The following WNK2 variants were observed in gnomAD, a reference collection of about 807,000 sequenced individuals.
WNK2 encodes WNK lysine deficient protein kinase 2.
Under a neutral mutation model 192.1 loss-of-function variants are expected in WNK2, and 67 were observed. That is an observed-to-expected ratio of 0.35 (90% confidence interval 0.29 to 0.43). WNK2 has a LOEUF of 0.43. Ranked by LOEUF, WNK2 falls within the 20% of genes least tolerant of loss-of-function variation. The pLI is 1.00. For missense variants in WNK2, 2,698 were observed against 3,089.7 expected (o/e 0.87, Z 3.01); for synonymous variants, 1,439 against 1,393.9 (o/e 1.03, Z -0.72).
In WNK2 at chr9:93,185,000, C is replaced by A. The variant is rs1339644004; in HGVS notation, c.71C>A (p.Ala24Glu). 1.6e-6 allele frequency: 2 copies of A among 1,243,852 alleles called. No individual in the cohort carries two copies. The highest frequency in any genetic ancestry group is 2.0e-6 in the Non-Finnish European group (2 of 998,930). The allele number at this position is 1,243,852 out of a possible 1,614,324, so 77.1% of individuals were successfully genotyped here. A position where few individuals can be genotyped will look rare whatever the true frequency, so the allele number is the denominator to read the frequency against. Residue 24 changes from alanine to glutamate, a missense_variant, in exon 2 of 30, where the codon GCG becomes GAG. Ala to Glu is a moderately radical substitution (Grantham distance 107). Transcript: ENST00000427277. ...LMEPGRGAGP[A>E]GMAEPRAKAA... is the part of the protein sequence containing the mutation. The stretch of plus-strand genomic sequence containing the variant: ...GAGCCCGGGCGCGGCGCGGGGCCCG[C>A]GGGCATGGCGGAGCCTCGGGCGAAG...
At position 93,288,926 on chromosome 9, in the gene WNK2, T is replaced by A; in HGVS notation, c.4172T>A (p.Val1391Glu). Reference protein sequence around the residue: ...PAPLAPSSPPVTALPQDGAAP... With the variant: ...PAPLAPSSPPETALPQDGAAP... ...CCTTTGGCCCCCTCCTCCCCTCCTG[T>A]GACTGCTCTGCCCCAAGATGGAGCA... Residue 1391 changes from valine (V) to glutamate (E), a missense_variant, in exon 20 of 30, where the codon GTG becomes GAG. Around this residue, in one of 7 missense-constraint regions of WNK2, gnomAD observed 1,098 missense variants for 1,101.0 expected, o/e 1.00. Transcript: ENST00000427277. 1 of 1,606,926 alleles carries A rather than the reference T, an allele frequency of 6.2e-7. No individual in the cohort carries two copies. Among genetic ancestry groups the A allele is most frequent in the Admixed American group, 1.7e-5 (1 of 59,300 alleles).
chr9:93,272,786 G>C (rs1351012840), intron 19 of WNK2, among the ~76,000 whole-genome samples: 1 of 141,814 alleles, frequency 7.1e-6, no homozygotes, highest in Non-Finnish European at 1.5e-5. Flanking sequence ...GAAATGAGAA[G>C]AGAAATAAAA....
intron 2 of WNK2, among the ~76,000 whole-genome samples, chr9:93,220,949 G>C (rs1239701753): frequency 6.6e-6 from 1 of 152,174 alleles, no homozygotes; most frequent in African/African-American, 2.4e-5. Context: ...CTGTGGTCCT[G>C]CCCTCCTCCT....
intron 2 of WNK2, among the ~76,000 whole-genome samples, chr9:93,187,486 C>T (rs532710822): frequency 7.2e-5 from 11 of 152,128 alleles, no homozygotes; most frequent in Non-Finnish European, 1.2e-4. Context: ...TGTCCCTAGT[C>T]GATGTGTGTC....
In WNK2 at chr9:93,300,111, G is replaced by A. The variant is rs568767917; in HGVS notation, c.6176G>A (p.Arg2059His). 1.9e-6 allele frequency: 3 copies of A among 1,613,360 alleles called. No individual in the cohort carries two copies. Among genetic ancestry groups the A allele is most frequent in the East Asian group, 2.2e-5 (1 of 44,860 alleles). ...RVTYKSSSKP[R>H]ARFLSGPVSV... ...ACCTATAAGTCTAGTAGCAAACCTC[G>A]TGCTCGATTCCTCAGTGGACCCGTA... Residue 2059 changes from arginine (R) to histidine (H), a missense_variant, in exon 26 of 30, where the codon CGT becomes CAT. By Grantham distance (29) the Arg-to-His change is conservative. This residue lies in a region of WNK2 where 29 missense variants were observed against 55.6 expected (regional missense o/e 0.52). Coordinates refer to ENST00000427277, the MANE Select transcript of WNK2 (RefSeq NM_006648.4).
chr9:93,304,425 A>C (rs974550501), intron 26 of WNK2, among the ~76,000 whole-genome samples: 2 of 152,248 alleles, frequency 1.3e-5, no homozygotes, highest in African/African-American at 4.8e-5. Flanking sequence ...AACAGCTGGG[A>C]TGAGGCTGCC....
At chr9:93,221,619 G>A (rs941674694) in intron 2 of WNK2, among the ~76,000 whole-genome samples, 1 of 152,206 alleles carries the variant, frequency 6.6e-6, no homozygotes, top group African/African-American at 2.4e-5. Context: ...TTATCCCTTT[G>A]CTTTGGTCAA....
intron 19 of WNK2, among the ~76,000 whole-genome samples, chr9:93,272,054 A>G (rs1383668639): frequency 6.6e-6 from 1 of 152,246 alleles, no homozygotes; most frequent in Admixed American, 6.5e-5. Flanking sequence ...AAGCTGAAGT[A>G]AGGCCATTCT....
chr9:93,292,599 G>T lies in WNK2; in HGVS notation c.5134G>T (p.Gly1712Trp). ...CCCGCCGAGTGACATGGGCACAGTG[G>T]GGGGCCAGGCTAGCCACCCCCAGAC... ...EPPPSDMGTV[G>W]GQASHPQTLG... The change falls in exon 23 of 30, where the codon GGG becomes TGG. Residue 1712 changes from glycine to tryptophan, a missense_variant. By Grantham distance (184) the Gly-to-Trp change is radical. Coordinates refer to ENST00000427277, the MANE Select transcript of WNK2 (RefSeq NM_006648.4). 1.6e-5 allele frequency: 25 copies of T among 1,581,282 alleles called. No homozygotes were observed. Among genetic ancestry groups the T allele is most frequent in the East Asian group, 4.5e-5 (2 of 44,012 alleles).
At chr9:93,217,032 C>T (rs577019888) in intron 2 of WNK2, among the ~76,000 whole-genome samples, 22 of 151,446 alleles carry the variant, frequency 1.5e-4, no homozygotes, top group Non-Finnish European at 3.1e-4. Context: ...GATCTCGGCT[C>T]ACTGCAACCT....
At chr9:93,267,321 A>C in intron 16 of WNK2, 1 of 160,088 alleles carries the variant, frequency 6.2e-6, no homozygotes, top group Non-Finnish European at 1.4e-5. Flanking sequence ...TGCTGGCTGG[A>C]ACCTTTGCCT....
Position 93,195,699 on chromosome 9 carries a change from CAAAAAAAAA to C in WNK2, c.681+10106_681+10114del, listed in dbSNP as rs59357990. ...GGGCAACAGAGTAAAGACTTTGTCT[CAAAAAAAAA>C]AAAAAAAAAAAAAAAAGATGTTGCT... On this transcript the variant is annotated intron_variant, in intron 2 of 29. Transcript: ENST00000427277. Among the ~76,000 whole-genome samples the C allele has an allele frequency of 6.1e-3, 256 of 41,682 alleles. 3 individuals carry two copies. The highest frequency in any genetic ancestry group is 0.034 in the Middle Eastern group (2 of 58). The allele number at this position is 41,682 out of a possible 152,430, so 27.3% of individuals were successfully genotyped here.
chr9:93,289,168 A>G lies in WNK2; in HGVS notation c.4414A>G (p.Arg1472Gly), dbSNP rs773211641. Residue 1472 changes from arginine (R) to glycine (G), a missense_variant, in exon 20 of 30, where the codon AGG becomes GGG. Physicochemically the swap from Arg to Gly is moderately radical, Grantham distance 125. Around this residue, in one of 7 missense-constraint regions of WNK2, gnomAD observed 1,098 missense variants for 1,101.0 expected, o/e 1.00. Transcript: ENST00000427277. Reference protein sequence around the residue: ...AASTRDASAPREPLPPPAPEP... With the variant: ...AASTRDASAPGEPLPPPAPEP... ...CTCAACCAGGGACGCCAGTGCCCCA[A>G]GGGAGCCCCTGCCACCTCCTGCACC... is the stretch of plus-strand genomic sequence containing the variant. The G allele has an allele frequency of 1.5e-5, 24 of 1,600,608 alleles. No homozygotes were observed. Among genetic ancestry groups the G allele is most frequent in the South Asian group, 1.1e-4 (10 of 90,118 alleles).
intron 2 of WNK2, among the ~76,000 whole-genome samples, chr9:93,190,285 G>C (rs1346699008): frequency 6.6e-6 from 1 of 152,226 alleles, no homozygotes; most frequent in Non-Finnish European, 1.5e-5. Context: ...GTGTGTGTCA[G>C]CAGCGATGAC....
chr9:93,284,393 G>A (rs1031732643), intron 19 of WNK2, among the ~76,000 whole-genome samples: 1 of 152,180 alleles, frequency 6.6e-6, no homozygotes, highest in African/African-American at 2.4e-5. Flanking sequence ...AGAATGCAAG[G>A]TTGGTTTAAC....
intron 2 of WNK2, among the ~76,000 whole-genome samples, chr9:93,189,096 G>A (rs1357289067): frequency 6.6e-6 from 1 of 152,196 alleles, no homozygotes; most frequent in African/African-American, 2.4e-5. Flanking sequence ...CAGACCCAGG[G>A]AGGCAGCCTG....
At chr9:93,210,588 A>G (rs1563994872) in intron 2 of WNK2, among the ~76,000 whole-genome samples, 1 of 151,756 alleles carries the variant, frequency 6.6e-6, no homozygotes, top group East Asian at 1.9e-4. Context: ...AGATCTGTCC[A>G]CCTCCTGAGC....
rs1237681448 is a variant in WNK2 at position 93,288,892 on chromosome 9, C to T, written c.4138C>T (p.Pro1380Ser). ...QAGPSNPPGAPPAPLAPSSPP... is the reference protein window; with the variant it reads ...QAGPSNPPGASPAPLAPSSPP... Reference sequence around the variant, plus strand: ...GGGCCCCAGCAACCCTCCTGGGGCACCCCCAGCCCCTTTGGCCCCCTCCTC... The same window carrying T: ...GGGCCCCAGCAACCCTCCTGGGGCATCCCCAGCCCCTTTGGCCCCCTCCTC... The change falls in exon 20 of 30, where the codon CCC (proline) becomes TCC (serine). Residue 1380 changes from proline (P) to serine (S), a missense_variant. By Grantham distance (74) the Pro-to-Ser change is moderately conservative. Coordinates refer to ENST00000427277, the MANE Select transcript of WNK2 (RefSeq NM_006648.4). 1 of 1,609,224 alleles carries T rather than the reference C, an allele frequency of 6.2e-7. No individual in the cohort carries two copies. Among genetic ancestry groups the T allele is most frequent in the Non-Finnish European group, 8.5e-7 (1 of 1,178,396 alleles).
chr9:93,259,168 C>T lies in WNK2; in HGVS notation c.2620C>T (p.Arg874Trp), dbSNP rs1012875647. The T allele has an allele frequency of 6.2e-7, 1 of 1,612,552 alleles. No homozygotes were observed. Among genetic ancestry groups the T allele is most frequent in the Non-Finnish European group, 8.5e-7 (1 of 1,179,692 alleles). The change falls in exon 12 of 30, where the codon CGG becomes TGG. Residue 874 changes from arginine to tryptophan, a missense_variant. Coordinates refer to ENST00000427277, the MANE Select transcript of WNK2 (RefSeq NM_006648.4). This position sits in a 1 kb window ranked among gnomAD's most constrained non-coding sequence, Gnocchi z 4.8. ...PPGAPLAMPC[R>W]TIVPNAPATI... ...TGGGGCGCCCCTGGCCATGCCCTGC[C>T]GGACCATTGTGCCAAATGCACCGGC...
Sources: allele counts gnomAD v4.1 joint callset (sites outside exome capture counted in the v4.1 genomes callset), GRCh38; gene constraint gnomAD v4.1.1; regional missense constraint gnomAD v4.1.1; non-coding constraint Gnocchi (gnomAD v3.1); transcripts MANE v1.5; gene names NCBI Gene and HGNC (gene_info 2026-07-23, HGNC 2026-07-21).